Variants in USP9Y observed in about 807,000 individuals in gnomAD.
The protein encoded by USP9Y is ubiquitin specific peptidase 9 Y-linked, also known as ubiquitin carboxyl-terminal hydrolase 9Y.
In USP9Y, 41 loss-of-function variants were observed where a neutral mutation model predicts 53.1. The ratio of observed to expected loss-of-function variants is 0.77; its 90% confidence interval spans 0.60 to 1.00. The LOEUF is 1.00. Ranked by LOEUF, USP9Y falls within the 50% of genes least tolerant of loss-of-function variation. The pLI, the probability that USP9Y is intolerant of heterozygous loss-of-function variation, is 0.00. For missense variants in USP9Y, 567 were observed against 535.8 expected (o/e 1.06, Z -0.58); for synonymous variants, 220 against 173.7 (o/e 1.27, Z -2.09).
chrY:12,825,258 C>A (rs2053545090), intron 33 of USP9Y, among the ~76,000 whole-genome samples: 1 of 32,888 alleles, frequency 3.0e-5, no homozygotes, highest in Admixed American at 2.8e-4. Flanking sequence ...AGTTTAGACA[C>A]ATACATACAG....
At chrY:12,762,774 C>A (rs2053476661) in intron 15 of USP9Y, among the ~76,000 whole-genome samples, 1 of 33,460 alleles carries the variant, frequency 3.0e-5, no homozygotes, top group Non-Finnish European at 7.4e-5. Flanking sequence ...TACCTGTATA[C>A]AGCACATGCT....
At position 12,840,046 on chromosome Y, in the gene USP9Y, T is replaced by C; in HGVS notation, c.5520T>C (p.Asp1840=). The C allele has an allele frequency of 2.5e-6, 1 of 398,570 alleles. No homozygotes were observed. Among genetic ancestry groups the C allele is most frequent in the Non-Finnish European group, 3.5e-6 (1 of 283,425 alleles). ...TVAGVANLER[D]NVNSENELIE... ...CAGGTGTTGCAAACCTGGAAAGGGA[T>C]AATGTAAACTCAGAAAATGAGTTGA... is the stretch of plus-strand genomic sequence containing the variant. The change falls in exon 36 of 46, where the codon GAT becomes GAC. Residue 1840 remains aspartate, a synonymous_variant. Coordinates refer to ENST00000338981, the MANE Select transcript of USP9Y (RefSeq NM_004654.4).
At chrY:12,704,083 T>C (rs2053418090) in intron 1 of USP9Y, among the ~76,000 whole-genome samples, 1 of 33,380 alleles carries the variant, frequency 3.0e-5, no homozygotes, top group Non-Finnish European at 7.4e-5. Context: ...ACAGAAAAGT[T>C]CTCCAAGTCC....
intron 27 of USP9Y, among the ~76,000 whole-genome samples, chrY:12,805,497 C>A: frequency 3.1e-5 from 1 of 32,601 alleles, no homozygotes; most frequent in Admixed American, 2.8e-4. Flanking sequence ...TTTGTCGGGA[C>A]CATCTTAATC....
Position 12,723,153 on chromosome Y carries a change from G to A in USP9Y, c.325+966G>A, listed in dbSNP as rs772721289. ...TTTCTTCTTAACACAGAGTTGAAGC[G>A]TTTTTCTTAAAAAGAAAAACGTCTT... is the stretch of plus-strand genomic sequence containing the variant. On this transcript the variant is annotated intron_variant, in intron 5 of 45. Transcript: ENST00000338981. 8.0e-4 allele frequency among the ~76,000 whole-genome samples: 23 copies of A among 28,588 alleles called. No homozygotes were observed. In the East Asian group the frequency reaches 0.02, roughly 25 times the overall value. 76.7% of individuals were successfully genotyped at this position (28,588 alleles called of 37,273 possible).
intron 7 of USP9Y, among the ~76,000 whole-genome samples, chrY:12,728,037 A>T (rs771709040): frequency 3.0e-5 from 1 of 33,155 alleles, no homozygotes; most frequent in South Asian, 6.7e-4. Context: ...GTTAATGTCA[A>T]TTATTTCTGT....
At chrY:12,738,392 C>A in intron 11 of USP9Y, 83 bp downstream of exon 11, 1 of 255,109 alleles carries the variant, frequency 3.9e-6, no homozygotes, top group Non-Finnish European at 6.1e-6. Flanking sequence ...TAATGGCCAG[C>A]AATTTAGTAT....
rs756994199 is a variant in USP9Y at position 12,805,781 on chromosome Y, C to T, written c.3984-4398C>T. ...GTATCACACAATTCTGCCAACTGCA[C>T]CTATTGTCTAGTTGGAGAGACAGAT... is the stretch of plus-strand genomic sequence containing the variant. On this transcript the variant is annotated intron_variant, in intron 27 of 45. Coordinates refer to ENST00000338981, the MANE Select transcript of USP9Y (RefSeq NM_004654.4). Among the ~76,000 whole-genome samples the T allele has an allele frequency of 1.2e-4, 4 of 33,645 alleles. No individual in the cohort carries two copies. In the South Asian group the frequency reaches 2.7e-3, roughly 23 times the overall value. The allele number at this position is 33,645 out of a possible 37,273, so 90.3% of individuals were successfully genotyped here. A position where few individuals can be genotyped will look rare whatever the true frequency, so the allele number is the denominator to read the frequency against.
intron 1 of USP9Y, among the ~76,000 whole-genome samples, 191 bp from the exon 2 acceptor site, chrY:12,708,443 A>C: frequency 3.0e-5 from 1 of 33,651 alleles, no homozygotes; most frequent in Non-Finnish European, 7.3e-5. Flanking sequence ...GACAGATTTG[A>C]TGGTTTTGGA....
In USP9Y at chrY:12,790,484, C is replaced by T. The variant is rs371502065; in HGVS notation, c.3639C>T (p.Cys1213=). The T allele has an allele frequency of 1.5e-4, 58 of 392,436 alleles. No homozygotes were observed. In the African/African-American group the frequency reaches 3.6e-3, roughly 24 times the overall value. ...GCATTCCTAATCCCTCATCCGAGTG[C>T]GTACTTAGAAATGAGTCCATACTTC... ...LQSIPNPSSE[C]VLRNESILLA... The change falls in exon 25 of 46, where the codon TGC becomes TGT. Residue 1213 remains cysteine, a synonymous_variant. Coordinates refer to ENST00000338981, the MANE Select transcript of USP9Y (RefSeq NM_004654.4).
intron 29 of USP9Y, among the ~76,000 whole-genome samples, chrY:12,811,274 G>T: frequency 1.8e-4 from 6 of 33,414 alleles, no homozygotes; most frequent in African/African-American, 5.9e-4. Context: ...AGATTATAAA[G>T]CTTACTTACG....
At chrY:12,718,758 G>A in intron 3 of USP9Y, among the ~76,000 whole-genome samples, 1 of 33,282 alleles carries the variant, frequency 3.0e-5, no homozygotes, top group Non-Finnish European at 7.4e-5. Context: ...CCAAAATGCT[G>A]GTATTACGGA....
intron 27 of USP9Y, among the ~76,000 whole-genome samples, chrY:12,800,670 A>G (rs755507455): frequency 2.9e-5 from 1 of 34,236 alleles, no homozygotes; most frequent in Non-Finnish European, 7.3e-5. Context: ...AAGTGTGTCA[A>G]GAATTTTCAC....
At chrY:12,733,302 T>A in intron 7 of USP9Y, among the ~76,000 whole-genome samples, 1 of 30,457 alleles carries the variant, frequency 3.3e-5, no homozygotes, top group Non-Finnish European at 7.9e-5. Context: ...AAGATTTATT[T>A]TATCTTGTCT....
At chrY:12,790,574 T>C in intron 25 of USP9Y, 42 bp downstream of exon 25, 1 of 365,136 alleles carries the variant, frequency 2.7e-6, no homozygotes, top group Non-Finnish European at 3.9e-6. Context: ...TTGAATGATC[T>C]CTACTTAACA....
chrY:12,735,827 T>C, intron 8 of USP9Y, 100 bp downstream of exon 8: 1 of 257,564 alleles, frequency 3.9e-6, no homozygotes, highest in South Asian at 4.1e-5. Context: ...TTATACAAAT[T>C]ACTATTTTAT....
intron 27 of USP9Y, among the ~76,000 whole-genome samples, 156 bp from the exon 28 acceptor site, chrY:12,810,023 A>T (rs942287967): frequency 3.0e-5 from 1 of 33,580 alleles, no homozygotes; most frequent in Non-Finnish European, 7.4e-5. Flanking sequence ...CTCCCTGACA[A>T]GTATTTTAAA....
chrY:12,788,370 A>G, intron 24 of USP9Y, among the ~76,000 whole-genome samples: 1 of 33,977 alleles, frequency 2.9e-5, no homozygotes, highest in South Asian at 6.5e-4. Flanking sequence ...CTGACATGAA[A>G]AACTCTAGTT....
chrY:12,763,847 A>G (rs2053477969), intron 15 of USP9Y, among the ~76,000 whole-genome samples: 1 of 29,465 alleles, frequency 3.4e-5, no homozygotes, highest in African/African-American at 1.3e-4. Context: ...TAATTTTTGT[A>G]TTTTTATTAG....
Sources: gnomAD v4.1 joint callset for allele counts (sites outside exome capture counted in the v4.1 genomes callset) on GRCh38, gnomAD v4.1.1 for gene constraint, MANE v1.5 for transcripts, NCBI Gene and HGNC (gene_info 2026-07-23, HGNC 2026-07-21) for gene names.